SDC2: variants seen among roughly 807,000 people sequenced by gnomAD.
SDC2 encodes syndecan 2, also known as syndecan-2.
In SDC2, 13 loss-of-function variants were observed where a neutral mutation model predicts 22.2. The observed-to-expected ratio is 0.59, with a 90% CI of 0.38 to 0.93. SDC2 has a LOEUF of 0.93. SDC2 is among the 40% of genes least tolerant of loss of function. The pLI, the probability that SDC2 is intolerant of heterozygous loss-of-function variation, is 0.00. For missense variants in SDC2, 235 were observed against 246.8 expected (o/e 0.95, Z 0.32); for synonymous variants, 94 against 92.8 (o/e 1.01, Z -0.07).
intron 2 of SDC2, among the ~76,000 whole-genome samples, chr8:96,594,080 G>A (rs989019737): frequency 3.9e-5 from 6 of 152,104 alleles, no homozygotes; most frequent in African/African-American, 1.4e-4. Flanking sequence ...ATTGTAGGAG[G>A]AAAATGCAGC....
chr8:96,494,244 G>C lies in SDC2; in HGVS notation c.-28G>C, dbSNP rs775843081. The C allele has an allele frequency of 6.5e-7, 1 of 1,541,242 alleles. No homozygotes were observed. The highest frequency in any genetic ancestry group is 8.7e-7 in the Non-Finnish European group (1 of 1,146,720). ...TCGTTTTGCCCTGGTTGCAAGCAGC[G>C]GCTGGGAGCAGCCGGTCCCTGGGGA... On this transcript the variant is annotated 5_prime_UTR_variant, in exon 1 of 5. Transcript: ENST00000302190.
chr8:96,605,717 A>G (rs1815067256), intron 3 of SDC2, among the ~76,000 whole-genome samples: 1 of 152,194 alleles, frequency 6.6e-6, no homozygotes, highest in South Asian at 2.1e-4. Context: ...GTTACTCTTT[A>G]TTATACTTTA....
chr8:96,559,474 A>C (rs1814172485), intron 1 of SDC2, among the ~76,000 whole-genome samples: 1 of 152,144 alleles, frequency 6.6e-6, no homozygotes, highest in Non-Finnish European at 1.5e-5. Flanking sequence ...TTCTGAAGAG[A>C]AGAGTGAAAC....
chr8:96,609,683 G>T lies in SDC2; in HGVS notation c.*135G>T. ...GGCACTTTAATGATAAAATCCCATTGTATTTAAAACATTTCATGTATTTCT... is the reference window on the plus strand; with the variant it reads ...GGCACTTTAATGATAAAATCCCATTTTATTTAAAACATTTCATGTATTTCT... On this transcript the variant is annotated 3_prime_UTR_variant, in exon 5 of 5. Transcript: ENST00000302190. The T allele has an allele frequency of 1.8e-6, 1 of 555,492 alleles. No homozygotes were observed. The highest frequency in any genetic ancestry group is 4.0e-5 in the Admixed American group (1 of 25,040). The allele number at this position is 555,492 out of a possible 1,614,324, so 34.4% of individuals were successfully genotyped here.
chr8:96,542,669 G>A (rs1480006515), intron 1 of SDC2, among the ~76,000 whole-genome samples: 3 of 152,012 alleles, frequency 2.0e-5, no homozygotes, highest in Non-Finnish European at 2.9e-5. Context: ...GAAGACAAGC[G>A]TCTTCTCCTC....
At chr8:96,590,307 C>T (rs939965790) in intron 1 of SDC2, among the ~76,000 whole-genome samples, 1 of 152,214 alleles carries the variant, frequency 6.6e-6, no homozygotes, top group Non-Finnish European at 1.5e-5. Context: ...ACCCTACAGC[C>T]AGGCTGCAGC....
At chr8:96,593,329 G>A (rs918904798) in intron 1 of SDC2, 151 bp from the exon 2 acceptor site, 5 of 590,348 alleles carry the variant, frequency 8.5e-6, no homozygotes, top group African/African-American at 3.7e-5. Flanking sequence ...AGTTGTCAGG[G>A]TGCCTGAGGA....
chr8:96,508,125 T>C (rs1813270457), intron 1 of SDC2, among the ~76,000 whole-genome samples: 1 of 151,974 alleles, frequency 6.6e-6, no homozygotes, highest in South Asian at 2.1e-4. Flanking sequence ...TGAAACGCCA[T>C]CTCTACTAAA....
At chr8:96,600,901 G>C (rs553977002) in intron 2 of SDC2, among the ~76,000 whole-genome samples, 1 of 152,260 alleles carries the variant, frequency 6.6e-6, no homozygotes, top group Admixed American at 6.5e-5. Flanking sequence ...GTAAATTTAG[G>C]TATCATCTGT....
In SDC2 at chr8:96,567,313, G is replaced by A. The variant is rs115417654; in HGVS notation, c.61-26167G>A. On this transcript the variant is annotated intron_variant, in intron 1 of 4. Transcript: ENST00000302190. ...CTTAATTGCAATTTGAACAGAAAGTGGCATCTTATAGAAGTCTTAATTTTG... is the reference window on the plus strand; with the variant it reads ...CTTAATTGCAATTTGAACAGAAAGTAGCATCTTATAGAAGTCTTAATTTTG... Among the ~76,000 whole-genome samples the A allele has an allele frequency of 3.6e-3, 542 of 152,276 alleles. 2 individuals carry two copies. The highest frequency in any genetic ancestry group is 0.012 in the African/African-American group (506 of 41,560).
chr8:96,585,505 C>T (rs1247308801), intron 1 of SDC2, among the ~76,000 whole-genome samples: 1 of 151,966 alleles, frequency 6.6e-6, no homozygotes, highest in Non-Finnish European at 1.5e-5. Flanking sequence ...CTCATTGTTG[C>T]CAAGCTTTAG....
In SDC2 at chr8:96,506,882, G is replaced by A. The variant is rs191746337; in HGVS notation, c.60+12551G>A. 4.3e-3 allele frequency among the ~76,000 whole-genome samples: 657 copies of A among 152,022 alleles called. 4 individuals are homozygous for A. Among genetic ancestry groups the A allele is most frequent in the African/African-American group, 0.014 (587 of 41,480 alleles). ...AAATTAGCTGGGTGTGGTGGCGGGC[G>A]CCTGTAGTCCCAGCTACTCGGGAGG... On this transcript the variant is annotated intron_variant, in intron 1 of 4. Transcript: ENST00000302190.
chr8:96,606,932 G>A (rs1019653728), intron 3 of SDC2, among the ~76,000 whole-genome samples: 2 of 152,144 alleles, frequency 1.3e-5, no homozygotes, highest in Non-Finnish European at 2.9e-5. Context: ...GACCAGTAGC[G>A]GTGGCCTGTT....
At position 96,508,917 on chromosome 8, in the gene SDC2, G is replaced by A. The variant is rs763149645; in HGVS notation, c.60+14586G>A. Among the ~76,000 whole-genome samples the A allele has an allele frequency of 2.1e-5, 3 of 142,466 alleles. 1 individual carries two copies. The highest frequency in any genetic ancestry group is 3.2e-5 in the Non-Finnish European group (2 of 62,432). 93.5% of individuals were successfully genotyped at this position (142,466 alleles called of 152,430 possible). A position where few individuals can be genotyped will look rare whatever the true frequency, so the allele number is the denominator to read the frequency against. On this transcript the variant is annotated intron_variant, in intron 1 of 4. Coordinates refer to ENST00000302190, the MANE Select transcript of SDC2 (RefSeq NM_002998.4). ...AATGGTTGCAGCCTCAAATCATGAA[G>A]TATCTAATGGATGGTTGCAGCCCCG...
At chr8:96,558,540 T>C (rs1332671741) in intron 1 of SDC2, among the ~76,000 whole-genome samples, 1 of 152,186 alleles carries the variant, frequency 6.6e-6, no homozygotes, top group East Asian at 1.9e-4. Flanking sequence ...GAAATATTTG[T>C]TGAATAAATG....
intron 1 of SDC2, among the ~76,000 whole-genome samples, chr8:96,502,293 A>G (rs1813178290): frequency 6.6e-6 from 1 of 152,138 alleles, no homozygotes; most frequent in Non-Finnish European, 1.5e-5. Context: ...AACCGCCCCC[A>G]TGTTTCAGTT....
At chr8:96,564,656 G>A (rs1475354821) in intron 1 of SDC2, among the ~76,000 whole-genome samples, 4 of 152,040 alleles carry the variant, frequency 2.6e-5, no homozygotes, top group Non-Finnish European at 2.9e-5. Context: ...TTATTTGGGC[G>A]TATTTTCTTG....
intron 1 of SDC2, among the ~76,000 whole-genome samples, chr8:96,519,507 T>C (rs933811553): frequency 1.5e-4 from 23 of 152,272 alleles, no homozygotes; most frequent in African/African-American, 5.3e-4. Flanking sequence ...AACAAAATAG[T>C]TGTCTTAGGA....
Position 96,609,798 on chromosome 8 carries a change from A to G in SDC2, c.*250A>G, listed in dbSNP as rs551839705. ...TATGTTATGAAAACCCTCGATGTTCATGGAATTGGTTTAAACTTTTATGCG... is the reference window on the plus strand; with the variant it reads ...TATGTTATGAAAACCCTCGATGTTCGTGGAATTGGTTTAAACTTTTATGCG... On this transcript the variant is annotated 3_prime_UTR_variant, in exon 5 of 5. Coordinates refer to ENST00000302190, the MANE Select transcript of SDC2 (RefSeq NM_002998.4). The G allele has an allele frequency of 1.6e-5, 5 of 314,156 alleles. No homozygotes were observed. The highest frequency in any genetic ancestry group is 2.9e-5 in the Non-Finnish European group (5 of 173,652). 19.5% of individuals were successfully genotyped at this position (314,156 alleles called of 1,614,324 possible).
Sources: allele counts gnomAD v4.1 joint callset (sites outside exome capture counted in the v4.1 genomes callset), GRCh38; gene constraint gnomAD v4.1.1; transcripts MANE v1.5; gene names NCBI Gene and HGNC (gene_info 2026-07-23, HGNC 2026-07-21).